Variants in SUN1 observed in about 807,000 individuals in gnomAD.
SUN1 encodes the protein SUN domain-containing protein 1.
Under a neutral mutation model 103.2 loss-of-function variants are expected in SUN1, and 61 were observed. The observed-to-expected ratio is 0.59, with a 90% CI of 0.48 to 0.73. The LOEUF (loss-of-function observed/expected upper bound fraction) is 0.73. Among genes scored for constraint, SUN1 ranks in the 30% least tolerant of loss-of-function variants. The pLI is 0.00. For synonymous variants in SUN1, 490 were observed against 425.7 expected (o/e 1.15, Z -1.86); for missense variants, 1,052 against 1,034.6 (o/e 1.02, Z -0.23).
intron 16 of SUN1, among the ~76,000 whole-genome samples, chr7:866,532 T>G (rs11766221): frequency 0.021 from 1,141 of 55,176 alleles, 53 homozygotes; most frequent in Admixed American, 0.032. Flanking sequence ...CCGGGCCTTC[T>G]CCCCCACTGT....
In SUN1 at chr7:843,368, A is replaced by T. The variant is rs1447501362; in HGVS notation, c.506A>T (p.Asn169Ile). ...GGAAATAAAGCTGCCATTCAGGGAA[A>T]CGGGGATGTGGGAGCCGCCGCCGCC... ...KGGNKAAIQGNGDVGAAAATA... is the reference protein window; with the variant it reads ...KGGNKAAIQGIGDVGAAAATA... The change falls in exon 5 of 19, where the codon AAC becomes ATC. Residue 169 changes from asparagine to isoleucine, a missense_variant. Asn to Ile is a moderately radical substitution (Grantham distance 149, BLOSUM62 -3). Transcript: ENST00000401592. 6.2e-7 allele frequency: 1 copy of T among 1,608,780 alleles called. No homozygotes were observed. The highest frequency in any genetic ancestry group is 1.3e-5 in the African/African-American group (1 of 74,726).
At chr7:827,723 C>T (rs189403581), upstream of SUN1, among the ~76,000 whole-genome samples, 1 of 152,226 alleles carries the variant, frequency 6.6e-6, no homozygotes, top group East Asian at 1.9e-4. Context: ...ACCTTGGCCT[C>T]CCAAAGTACT....
At position 874,653 on chromosome 7, in the gene SUN1, G is replaced by A. The variant is rs528521977; in HGVS notation, c.*1322G>A. ...ACTATGCAGTTAAGGCAGATAAAATGTACAGATGTTTCATATATTACAGGT... is the reference window on the plus strand; with the variant it reads ...ACTATGCAGTTAAGGCAGATAAAATATACAGATGTTTCATATATTACAGGT... On this transcript the variant is annotated 3_prime_UTR_variant, in exon 19 of 19. Coordinates refer to ENST00000401592, the MANE Select transcript of SUN1 (RefSeq NM_001130965.3). The A allele has an allele frequency of 6.6e-6, 1 of 152,280 alleles. No homozygotes were observed. The highest frequency in any genetic ancestry group is 1.9e-4 in the East Asian group (1 of 5,184). The allele number at this position is 152,280 out of a possible 1,614,324, so 9.4% of individuals were successfully genotyped here.
At chr7:822,623 T>A (rs1787355464) in intron 1 of SUN1, among the ~76,000 whole-genome samples, 2 of 96,674 alleles carry the variant, frequency 2.1e-5, no homozygotes, top group Admixed American at 2.1e-4. Flanking sequence ...ATTTTATTGC[T>A]ACAAACTGAA....
At chr7:842,596 G>A (rs1306727259) in intron 3 of SUN1, 6 of 191,220 alleles carry the variant, frequency 3.1e-5, no homozygotes, top group East Asian at 1.7e-4. Context: ...AGGCACTGGC[G>A]CTCAGACTTG....
chr7:829,352 T>A (rs1395847858), upstream of SUN1, among the ~76,000 whole-genome samples: 1 of 152,156 alleles, frequency 6.6e-6, no homozygotes, highest in Non-Finnish European at 1.5e-5. Flanking sequence ...GAGTACTCTT[T>A]GGCGGTCAGT....
At chr7:816,169 G>GCCCTCCGCGATGCAGAC, upstream of SUN1, 1 of 209,508 alleles carries the variant, frequency 4.8e-6, no homozygotes, top group Non-Finnish European at 7.9e-6. Flanking sequence ...GAGGGGCAGA[G>GCCCTCCGCGATGCAGAC]CCCTCCGCGA....
chr7:843,798 C>G, intron 5 of SUN1: 2 of 1,420,080 alleles, frequency 1.4e-6, no homozygotes, highest in South Asian at 1.6e-5. Context: ...ACTAATAAAA[C>G]TACAGTCACT....
At chr7:835,288 C>A (rs1801987121) in intron 1 of SUN1, among the ~76,000 whole-genome samples, 1 of 152,230 alleles carries the variant, frequency 6.6e-6, no homozygotes, top group Non-Finnish European at 1.5e-5. Context: ...CTGGCACTCT[C>A]CTCACTGGGA....
At chr7:830,541 A>G (rs1373305333), upstream of SUN1, among the ~76,000 whole-genome samples, 1 of 152,230 alleles carries the variant, frequency 6.6e-6, no homozygotes, top group Non-Finnish European at 1.5e-5. Flanking sequence ...TGAAATCAGA[A>G]TGATGAAGAC....
chr7:816,668 A>C (rs1317915312), exon 1 of SUN1: 2 of 240,878 alleles, frequency 8.3e-6, no homozygotes, highest in Non-Finnish European at 1.7e-5. Flanking sequence ...CGGCGGCGCG[A>C]GGCAGGTGAG....
intron 11 of SUN1, 78 bp downstream of exon 11, chr7:855,084 A>T (rs1025460420): frequency 1.1e-5 from 12 of 1,111,538 alleles, no homozygotes; most frequent in African/African-American, 4.8e-5. Context: ...CCCTTTGGTC[A>T]TTTAATGTTC....
At chr7:863,262 G>A (rs1170984479) in intron 15 of SUN1, among the ~76,000 whole-genome samples, 1 of 151,310 alleles carries the variant, frequency 6.6e-6, no homozygotes, top group African/African-American at 2.4e-5. Context: ...ATTCACCAGC[G>A]CCAGGGCCCC....
intron 17 of SUN1, among the ~76,000 whole-genome samples, chr7:870,044 A>G (rs1840309588): frequency 6.6e-6 from 1 of 150,652 alleles, no homozygotes; most frequent in Non-Finnish European, 1.5e-5. Flanking sequence ...AATATACAAA[A>G]AAAAAAAAAA....
chr7:867,722 CAT>C (rs1838149429), intron 16 of SUN1, among the ~76,000 whole-genome samples: 3 of 152,224 alleles, frequency 2.0e-5, no homozygotes, highest in Admixed American at 2.0e-4. Flanking sequence ...GTTTACAGAA[CAT>C]AGGGATAGCA....
At position 853,606 on chromosome 7, in the gene SUN1, G is replaced by A. The variant is rs764318089; in HGVS notation, c.1251G>A (p.Gln417=). 5.2e-5 allele frequency: 83 copies of A among 1,602,590 alleles called. No homozygotes were observed. In the East Asian group the frequency reaches 1.8e-3, roughly 35 times the overall value. ...PSASVRDAVG[Q]PPRETDFMAF... is the part of the protein sequence containing the mutation. ...CTTCGGTCAGAGACGCTGTGGGACA[G>A]CCCCCGAGGGAGGTGGGTGCTGCCG... The change falls in exon 10 of 19, where the codon CAG becomes CAA. Residue 417 remains glutamine (Q), a synonymous_variant. Coordinates refer to ENST00000401592, the MANE Select transcript of SUN1 (RefSeq NM_001130965.3).
rs551076611 is a variant in SUN1 at position 838,852 on chromosome 7, T to A, written c.132T>A (p.Pro44=). 1.3e-5 allele frequency: 20 copies of A among 1,584,316 alleles called. No individual in the cohort carries two copies. The South Asian group carries it at 2.2e-4, about 17-fold the overall frequency. ...LDFETEHKLD[P]VFDSPRMSRR... ...TTGAGACGGAGCACAAATTGGACCC[T>A]GTATTTGATTCTCCACGGATGTCCC... Residue 44 remains proline (P), a synonymous_variant, in exon 2 of 19, where the codon CCT becomes CCA. Transcript: ENST00000401592.
intron 2 of SUN1, chr7:841,693 A>C: frequency 2.2e-6 from 1 of 449,816 alleles, no homozygotes; most frequent in South Asian, 2.5e-5. Flanking sequence ...GCTTTTAACC[A>C]CTTGGGGTCA....
chr7:836,258 G>C (rs936621429), intron 1 of SUN1, among the ~76,000 whole-genome samples: 1 of 151,950 alleles, frequency 6.6e-6, no homozygotes, highest in African/African-American at 2.4e-5. Context: ...AGGGAAGGAG[G>C]AACTCCATCC....
Sources: gnomAD v4.1 joint callset for allele counts (sites outside exome capture counted in the v4.1 genomes callset) on GRCh38, gnomAD v4.1.1 for gene constraint, MANE v1.5 for transcripts, NCBI Gene and HGNC (gene_info 2026-07-23, HGNC 2026-07-21) for gene names.